The following NKPD1 variants were observed in gnomAD, a reference collection of about 807,000 sequenced individuals.
NKPD1 encodes the protein NTPase KAP family P-loop domain-containing protein 1.
NKPD1 carries 37 observed loss-of-function variants against 42.2 expected under a neutral mutation model. That is an observed-to-expected ratio of 0.88 (90% CI 0.67 to 1.15). The LOEUF is 1.15. Ranked by LOEUF, NKPD1 falls within the 50% of genes most tolerant of loss-of-function variation. The probability of loss-of-function intolerance (pLI) is 0.00; values close to 1 mark genes in which losing one functional copy is unlikely to be tolerated. For missense variants in NKPD1, 1,113 were observed against 1,174.6 expected, an observed-to-expected ratio of 0.95 and a Z score of 0.77; for synonymous variants, 552 against 536.5, an observed-to-expected ratio of 1.03 and a Z score of -0.40.
chr19:45,150,379 C>T lies in NKPD1; in HGVS notation c.*1559G>A, dbSNP rs1051858623. ...TCCAGCCAAGTCTACACGTTAGCAT[C>T]TCTCACAGCACCCCACTCCTGGTAA... On this transcript the variant is annotated 3_prime_UTR_variant, in exon 5 of 5. Transcript: ENST00000686631. 2.0e-5 allele frequency: 3 copies of T among 152,240 alleles called. No individual in the cohort carries two copies. Among genetic ancestry groups the T allele is most frequent in the African/African-American group, 7.2e-5 (3 of 41,438 alleles). The allele number at this position is 152,240 out of a possible 1,614,324, so 9.4% of individuals were successfully genotyped here.
At chr19:45,156,645 G>C (rs1968908226) in intron 3 of NKPD1, among the ~76,000 whole-genome samples, 1 of 152,230 alleles carries the variant, frequency 6.6e-6, no homozygotes, top group Admixed American at 6.5e-5. Flanking sequence ...AGGGCCCTGG[G>C]GACCAGGCAC....
Position 45,152,609 on chromosome 19 carries a change from A to T in NKPD1, c.1828T>A (p.Cys610Ser). The change falls in exon 5 of 5, where the codon TGC becomes AGC. Residue 610 changes from cysteine to serine, a missense_variant. Around this residue, in one of 3 missense-constraint regions of NKPD1, gnomAD observed 867 missense variants for 870.1 expected, o/e 1.00. Transcript: ENST00000686631. ...ALFCLHDERDCLYEYVPDNVV... is the reference protein window; with the variant it reads ...ALFCLHDERDSLYEYVPDNVV... ...TTGTCGGGCACGTACTCGTAGAGGC[A>T]GTCGCGCTCGTCGTGAAGGCAGAAG... 6.3e-7 allele frequency: 1 copy of T among 1,579,622 alleles called. No individual in the cohort carries two copies.
At chr19:45,153,808 C>T (rs1968850327) in intron 4 of NKPD1, 33 bp from the exon 5 acceptor site, 1 of 1,413,176 alleles carries the variant, frequency 7.1e-7, no homozygotes, top group Non-Finnish European at 9.2e-7. Flanking sequence ...CCGCGTGAGC[C>T]GCAGACCCGC....
chr19:45,158,928 G>C lies in NKPD1; in HGVS notation c.264C>G (p.Ser88=). The C allele has an allele frequency of 7.7e-7, 1 of 1,299,618 alleles. No homozygotes were observed. Among genetic ancestry groups the C allele is most frequent in the Non-Finnish European group, 1.0e-6 (1 of 987,262 alleles). The allele number at this position is 1,299,618 out of a possible 1,614,324, so 80.5% of individuals were successfully genotyped here. A position where few individuals can be genotyped will look rare whatever the true frequency, so the allele number is the denominator to read the frequency against. ...SVLQQQRQPQ[S]QPSPPSPLRQ... ...GCAGGGGGCTGGGAGGTGAGGGCTG[G>C]GACTGGGGCTGCCGCTGCTGCTGCA... is the stretch of plus-strand genomic sequence containing the variant. Residue 88 remains serine (S), a synonymous_variant, in exon 3 of 5, where the codon TCC becomes TCG. Coordinates refer to ENST00000686631, the MANE Select transcript of NKPD1 (RefSeq NM_198478.4). The surrounding 1 kb of genome is among the most constrained non-coding windows in gnomAD (Gnocchi z 4.6).
In NKPD1 at chr19:45,150,998, G is replaced by C. The variant is rs985050228; in HGVS notation, c.*940C>G. ...GGGCCAGGCACCCCAGGGCCTGAGC[G>C]TGTGGCTGAACATTTGACCAGTGAG... On this transcript the variant is annotated 3_prime_UTR_variant, in exon 5 of 5. Transcript: ENST00000686631. 1.3e-5 allele frequency: 2 copies of C among 152,510 alleles called. No individual in the cohort carries two copies. The highest frequency in any genetic ancestry group is 4.8e-5 in the African/African-American group (2 of 41,478). The allele number at this position is 152,510 out of a possible 1,614,324, so 9.4% of individuals were successfully genotyped here.
At position 45,152,217 on chromosome 19, in the gene NKPD1, CA is replaced by C. The variant is rs1968795242; in HGVS notation, c.2219del (p.Leu740ArgfsTer136). ...PFTVAEAQSL[L>X]RCTVNLDHSI... ...AGTGGTCCAGGTTGACCGTGCAGCGCAGCAGGCTCTGCGCCTCGGCCACGGT... is the reference window on the plus strand; with the variant it reads ...AGTGGTCCAGGTTGACCGTGCAGCGCGCAGGCTCTGCGCCTCGGCCACGGT... On this transcript the variant is annotated frameshift_variant, in exon 5 of 5. Coordinates refer to ENST00000686631, the MANE Select transcript of NKPD1 (RefSeq NM_198478.4). LOFTEE classifies it low-confidence loss of function (END_TRUNC). The C allele has an allele frequency of 6.2e-7, 1 of 1,602,396 alleles. No individual in the cohort carries two copies. The highest frequency in any genetic ancestry group is 8.5e-7 in the Non-Finnish European group (1 of 1,175,658).
rs1330227502 is a variant in NKPD1, at chr19:45,153,728, G to A, written c.709C>T (p.His237Tyr). ...AAQRESEELQ[H>Y]VQWRPRAVSG... ...ACGGCACGCGGCCGCCACTGCACGTGCTGCAGCTCCTCGCTCTCGCGCTGC... is the reference window on the plus strand; with the variant it reads ...ACGGCACGCGGCCGCCACTGCACGTACTGCAGCTCCTCGCTCTCGCGCTGC... Residue 237 changes from histidine (H) to tyrosine (Y), a missense_variant, in exon 5 of 5, where the codon CAC becomes TAC. Around this residue, in one of 3 missense-constraint regions of NKPD1, gnomAD observed 867 missense variants for 870.1 expected, o/e 1.00. Coordinates refer to ENST00000686631, the MANE Select transcript of NKPD1 (RefSeq NM_198478.4). 6.6e-7 allele frequency: 1 copy of A among 1,521,104 alleles called. No individual in the cohort carries two copies. Among genetic ancestry groups the A allele is most frequent in the Non-Finnish European group, 8.9e-7 (1 of 1,127,312 alleles). The allele number at this position is 1,521,104 out of a possible 1,614,324, so 94.2% of individuals were successfully genotyped here. A position where few individuals can be genotyped will look rare whatever the true frequency, so the allele number is the denominator to read the frequency against.
In NKPD1 at chr19:45,151,910, GCCTCCT is replaced by G; in HGVS notation, c.*22_*27del. On this transcript the variant is annotated 3_prime_UTR_variant, in exon 5 of 5. Transcript: ENST00000686631. Reference sequence around the variant, plus strand: ...CATCTGGGCAGATGGAGGAACCCTTGCCTCCTGCTGCCCGCCAAGTCCTCCATTTAA... The same window carrying G: ...CATCTGGGCAGATGGAGGAACCCTTGGCTGCCCGCCAAGTCCTCCATTTAA... 1 of 1,512,036 alleles carries G rather than the reference GCCTCCT, an allele frequency of 6.6e-7. No homozygotes were observed. The highest frequency in any genetic ancestry group is 8.9e-7 in the Non-Finnish European group (1 of 1,127,586). The allele number at this position is 1,512,036 out of a possible 1,614,324, so 93.7% of individuals were successfully genotyped here. A position where few individuals can be genotyped will look rare whatever the true frequency, so the allele number is the denominator to read the frequency against.
chr19:45,155,273 G>A (rs554732513), intron 4 of NKPD1, among the ~76,000 whole-genome samples: 14 of 152,104 alleles, frequency 9.2e-5, no homozygotes, highest in African/African-American at 3.4e-4. Flanking sequence ...AGCCAAGATC[G>A]CACCATTGCA....
In NKPD1 at chr19:45,152,426, G is replaced by C; in HGVS notation, c.2011C>G (p.Leu671Val). 1 of 1,568,504 alleles carries C rather than the reference G, an allele frequency of 6.4e-7. No homozygotes were observed. Among genetic ancestry groups the C allele is most frequent in the East Asian group, 2.4e-5 (1 of 41,704 alleles). Residue 671 changes from leucine (L) to valine (V), a missense_variant, in exon 5 of 5, where the codon CTG becomes GTG. Transcript: ENST00000686631. ...TGCTGCCGGTCCTCCAGGCACTGCA[G>C]CGCCCAGCTCAGGCGGCACGGCCAC... ...NQWPCRLSWA[L>V]QCLEDRQQTG... is the part of the protein sequence containing the mutation.
rs1158404282 is a variant in NKPD1, at chr19:45,158,952, C to G, written c.240G>C (p.Leu80=). The G allele has an allele frequency of 1.5e-6, 2 of 1,300,222 alleles. No individual in the cohort carries two copies. The highest frequency in any genetic ancestry group is 2.0e-6 in the Non-Finnish European group (2 of 987,838). 80.5% of individuals were successfully genotyped at this position (1,300,222 alleles called of 1,614,324 possible). ...GGGACTGGGGCTGCCGCTGCTGCTG[C>G]AGGACGGAGGGCAGGAGGCCCCGGC... ...GWRRGLLPSV[L]QQQRQPQSQP... is the part of the protein sequence containing the mutation. Residue 80 remains leucine (L), a synonymous_variant, in exon 3 of 5, where the codon CTG becomes CTC. Coordinates refer to ENST00000686631, the MANE Select transcript of NKPD1 (RefSeq NM_198478.4). The surrounding 1 kb of genome is among the most constrained non-coding windows in gnomAD (Gnocchi z 4.6).
Position 45,158,992 on chromosome 19 carries a change from C to T in NKPD1, c.200G>A (p.Gly67Asp). Residue 67 changes from glycine to aspartate, a missense_variant, in exon 3 of 5, where the codon GGT becomes GAT. Gly to Asp is a moderately conservative substitution (Grantham distance 94, BLOSUM62 -1). This residue lies in a region of NKPD1 where 204 missense variants were observed against 227.8 expected (regional missense o/e 0.90). Transcript: ENST00000686631. The surrounding 1 kb of genome is among the most constrained non-coding windows in gnomAD (Gnocchi z 4.6). ...WQLAYHSHQV[G>D]GSGWRRGLLP... ...GAGGCCCCGGCGCCAGCCACTGCCACCCACTTGGTGGCTGTGGTAGGCCAG... is the reference window on the plus strand; with the variant it reads ...GAGGCCCCGGCGCCAGCCACTGCCATCCACTTGGTGGCTGTGGTAGGCCAG... The T allele has an allele frequency of 1.5e-6, 2 of 1,301,570 alleles. No individual in the cohort carries two copies. The highest frequency in any genetic ancestry group is 2.0e-6 in the Non-Finnish European group (2 of 988,242). The allele number at this position is 1,301,570 out of a possible 1,614,324, so 80.6% of individuals were successfully genotyped here. A position where few individuals can be genotyped will look rare whatever the true frequency, so the allele number is the denominator to read the frequency against.
chr19:45,153,267 C>G lies in NKPD1; in HGVS notation c.1170G>C (p.Ser390=), dbSNP rs771369898. Residue 390 remains serine, a synonymous_variant, in exon 5 of 5, where the codon TCG becomes TCC. Transcript: ENST00000686631. ...FGGAATTLSG[S]GLLMAVYSVG... is the part of the protein sequence containing the mutation. The stretch of plus-strand genomic sequence containing the variant: ...CCGAGTACACGGCCATGAGCAGCCC[C>G]GAGCCCGACAGTGTGGTGGCCGCGC... 1 of 1,601,688 alleles carries G rather than the reference C, an allele frequency of 6.2e-7. No homozygotes were observed. The highest frequency in any genetic ancestry group is 8.5e-7 in the Non-Finnish European group (1 of 1,175,092).
intron 1 of NKPD1, among the ~76,000 whole-genome samples, 84 bp from the exon 2 acceptor site, chr19:45,160,305 G>A (rs953964391): frequency 6.6e-6 from 1 of 152,222 alleles, no homozygotes; most frequent in South Asian, 2.1e-4. Context: ...AGTCCCAGAT[G>A]CTGGGTTCCT....
chr19:45,158,627 T>G lies in NKPD1; in HGVS notation c.529+36A>C. 7 of 1,140,314 alleles carry G rather than the reference T, an allele frequency of 6.1e-6. No homozygotes were observed. The highest frequency in any genetic ancestry group is 8.5e-5 in the East Asian group (1 of 11,734). 70.6% of individuals were successfully genotyped at this position (1,140,314 alleles called of 1,614,324 possible). On this transcript the variant is annotated intron_variant, in intron 3 of 4. Transcript: ENST00000686631. This position sits in a 1 kb window ranked among gnomAD's most constrained non-coding sequence, Gnocchi z 4.6. Reference sequence around the variant, plus strand: ...CAGGTGGGAAGTGAGGCGGCAGGAGTGGGGACAGGGCCCCCAAGAAGGCCA... The same window carrying G: ...CAGGTGGGAAGTGAGGCGGCAGGAGGGGGGACAGGGCCCCCAAGAAGGCCA...
chr19:45,152,299 T>C lies in NKPD1; in HGVS notation c.2138A>G (p.Asp713Gly), dbSNP rs1176765687. 5 of 1,610,922 alleles carry C rather than the reference T, an allele frequency of 3.1e-6. No homozygotes were observed. Among genetic ancestry groups the C allele is most frequent in the Non-Finnish European group, 4.2e-6 (5 of 1,179,058 alleles). The change falls in exon 5 of 5, where the codon GAC (aspartate) becomes GGC (glycine). Residue 713 changes from aspartate (D) to glycine (G), a missense_variant. Transcript: ENST00000686631. ...GAAGAGCTCGGGGTCGCCGTCCAGGTCGAGCACGTTCTGCAACGCCTTGGT... is the reference window on the plus strand; with the variant it reads ...GAAGAGCTCGGGGTCGCCGTCCAGGCCGAGCACGTTCTGCAACGCCTTGGT... ...TMTKALQNVL[D>G]LDGDPELFER...
At position 45,153,264 on chromosome 19, in the gene NKPD1, C is replaced by T. The variant is rs749761701; in HGVS notation, c.1173G>A (p.Gly391=). The T allele has an allele frequency of 6.2e-6, 10 of 1,602,438 alleles. No individual in the cohort carries two copies. The highest frequency in any genetic ancestry group is 7.7e-6 in the Non-Finnish European group (9 of 1,175,468). Residue 391 remains glycine, a synonymous_variant, in exon 5 of 5, where the codon GGG becomes GGA. Transcript: ENST00000686631. ...CCACCGAGTACACGGCCATGAGCAGCCCCGAGCCCGACAGTGTGGTGGCCG... is the reference window on the plus strand; with the variant it reads ...CCACCGAGTACACGGCCATGAGCAGTCCCGAGCCCGACAGTGTGGTGGCCG... ...GGAATTLSGS[G]LLMAVYSVGK... is the part of the protein sequence containing the mutation.
At position 45,158,330 on chromosome 19, in the gene NKPD1, T is replaced by C. The variant is rs1437111522; in HGVS notation, c.529+333A>G. 6.6e-6 allele frequency among the ~76,000 whole-genome samples: 1 copy of C among 152,206 alleles called. No individual in the cohort carries two copies. Among genetic ancestry groups the C allele is most frequent in the African/African-American group, 2.4e-5 (1 of 41,454 alleles). ...CTCACCATCCCTGCCCCATGTACCC[T>C]GTACCCTGCTGAGCCAGAGGAGGGA... On this transcript the variant is annotated intron_variant, in intron 3 of 4. Coordinates refer to ENST00000686631, the MANE Select transcript of NKPD1 (RefSeq NM_198478.4). The surrounding 1 kb of genome is among the most constrained non-coding windows in gnomAD (Gnocchi z 4.6).
intron 2 of NKPD1, among the ~76,000 whole-genome samples, 158 bp from the exon 3 acceptor site, chr19:45,159,258 T>C (rs1437145114): frequency 6.6e-6 from 1 of 151,690 alleles, no homozygotes; most frequent in Non-Finnish European, 1.5e-5. Flanking sequence ...GGGGGAGGTA[T>C]GGGCAGGGGA....
Sources: allele counts gnomAD v4.1 joint callset (sites outside exome capture counted in the v4.1 genomes callset), GRCh38; gene constraint gnomAD v4.1.1; regional missense constraint gnomAD v4.1.1; non-coding constraint Gnocchi (gnomAD v3.1); transcripts MANE v1.5; gene names NCBI Gene and HGNC (gene_info 2026-07-23, HGNC 2026-07-21).